The following TRAK1 variants were observed in gnomAD, a reference collection of about 807,000 sequenced individuals.
The protein encoded by TRAK1 is trafficking kinesin protein 1.
A neutral mutation model predicts 92.1 loss-of-function variants in TRAK1; 33 were observed. The observed-to-expected ratio is 0.36, with a 90% CI of 0.27 to 0.48. The LOEUF is 0.48. Ranked by LOEUF, TRAK1 falls within the 20% of genes least tolerant of loss-of-function variation. The pLI, the probability that TRAK1 is intolerant of heterozygous loss-of-function variation, is 0.99. For missense variants in TRAK1, 1,123 were observed against 1,257.9 expected, an observed-to-expected ratio of 0.89 and a Z score of 1.62; for synonymous variants, 521 against 517.3, an observed-to-expected ratio of 1.01 and a Z score of -0.10.
At chr3:42,021,984 C>T (rs1316472201) in intron 1 of TRAK1, among the ~76,000 whole-genome samples, 1 of 152,200 alleles carries the variant, frequency 6.6e-6, no homozygotes, top group Non-Finnish European at 1.5e-5. Context: ...ATGATCCATT[C>T]ATCCAAAAAT....
At chr3:42,132,930 TGGTTTACCCC>T (rs1351712675) in intron 2 of TRAK1, among the ~76,000 whole-genome samples, 1 of 152,214 alleles carries the variant, frequency 6.6e-6, no homozygotes, top group Non-Finnish European at 1.5e-5. Flanking sequence ...AAATACAACG[TGGTTTACCCC>T]ATTTCTGTAT....
intron 1 of TRAK1, among the ~76,000 whole-genome samples, chr3:42,045,500 A>G (rs563149941): frequency 1.3e-5 from 2 of 152,062 alleles, no homozygotes; most frequent in South Asian, 2.1e-4. Flanking sequence ...ATGCCACTAC[A>G]CTCTAGCTTG....
chr3:42,104,499 C>T lies in TRAK1; in HGVS notation c.91+12939C>T, dbSNP rs190779917. Among the ~76,000 whole-genome samples, 15 of 152,224 alleles carry T rather than the reference C, an allele frequency of 9.9e-5. No homozygotes were observed. In the East Asian group the frequency reaches 2.9e-3, roughly 29 times the overall value. ...TGGGTGCCCCTCGGAGATGAAGCATCCAGAGGAAGGATCAGGCAGCAACGT... is the reference window on the plus strand; with the variant it reads ...TGGGTGCCCCTCGGAGATGAAGCATTCAGAGGAAGGATCAGGCAGCAACGT... On this transcript the variant is annotated intron_variant, in intron 1 of 15. Coordinates refer to ENST00000327628, the MANE Select transcript of TRAK1 (RefSeq NM_001042646.3).
At chr3:42,100,519 G>C (rs1706597499) in intron 1 of TRAK1, among the ~76,000 whole-genome samples, 1 of 152,166 alleles carries the variant, frequency 6.6e-6, no homozygotes, top group Non-Finnish European at 1.5e-5. Context: ...AATTCCAGAA[G>C]TAGTTTTTGT....
At chr3:42,181,956 CT>C (rs202124618) in intron 3 of TRAK1, among the ~76,000 whole-genome samples, 25,166 of 133,232 alleles carry the variant, frequency 0.19, 1,812 homozygotes, top group Non-Finnish European at 0.22. Context: ...AATAAGGTAC[CT>C]TTTTTTTTTT....
chr3:42,174,756 A>C (rs1233691731), intron 2 of TRAK1, among the ~76,000 whole-genome samples: 1 of 150,370 alleles, frequency 6.7e-6, no homozygotes, highest in Non-Finnish European at 1.5e-5. Flanking sequence ...TAGTGGAGAC[A>C]GGGTTTTGCC....
At chr3:42,159,314 A>G (rs538386859) in intron 2 of TRAK1, among the ~76,000 whole-genome samples, 9 of 152,096 alleles carry the variant, frequency 5.9e-5, no homozygotes, top group Admixed American at 2.6e-4. Context: ...TGTTAGGAGC[A>G]GGAGACCTGC....
At chr3:42,087,663 G>A (rs1271174889), upstream of TRAK1, among the ~76,000 whole-genome samples, 1 of 152,230 alleles carries the variant, frequency 6.6e-6, no homozygotes, top group Non-Finnish European at 1.5e-5. Flanking sequence ...TTGTCATGAA[G>A]GTTAAAGATG....
chr3:42,151,762 A>G (rs377246609), intron 2 of TRAK1, among the ~76,000 whole-genome samples: 4 of 152,192 alleles, frequency 2.6e-5, no homozygotes, highest in African/African-American at 9.7e-5. Context: ...TGGAAATGAA[A>G]TTTGCCCCTG....
chr3:42,072,803 T>C (rs1160692779), intron 1 of TRAK1, among the ~76,000 whole-genome samples: 1 of 152,058 alleles, frequency 6.6e-6, no homozygotes, highest in African/African-American at 2.4e-5. Context: ...CTAAACAAGG[T>C]TTAGAGAAGA....
At chr3:42,167,112 A>C (rs1411397022) in intron 2 of TRAK1, among the ~76,000 whole-genome samples, 1 of 152,216 alleles carries the variant, frequency 6.6e-6, no homozygotes, top group Non-Finnish European at 1.5e-5. Flanking sequence ...CTGGCTTATC[A>C]TGCCCCCTCA....
At chr3:42,146,272 A>G (rs867088748) in intron 2 of TRAK1, 9 of 299,236 alleles carry the variant, frequency 3.0e-5, no homozygotes, top group Non-Finnish European at 2.1e-5. Context: ...ATTGCCGTTC[A>G]CCCACTTGTC....
rs1040727975 is a variant in TRAK1 at position 42,184,989 on chromosome 3, G to A, written c.480+188G>A. The A allele has an allele frequency of 3.9e-5, 22 of 561,438 alleles. No individual in the cohort carries two copies. In the African/African-American group the frequency reaches 3.9e-4, roughly 10 times the overall value. 34.8% of individuals were successfully genotyped at this position (561,438 alleles called of 1,614,324 possible). A position where few individuals can be genotyped will look rare whatever the true frequency, so the allele number is the denominator to read the frequency against. ...GGGGACTAAAAGCCACCTTCCTGCA[G>A]CTCCTGCTGCTGCTTGTGTCTCTTT... On this transcript the variant is annotated intron_variant, in intron 4 of 15. Coordinates refer to ENST00000327628, the MANE Select transcript of TRAK1 (RefSeq NM_001042646.3).
intron 2 of TRAK1, among the ~76,000 whole-genome samples, chr3:42,172,225 T>C (rs1392180295): frequency 1.3e-5 from 2 of 152,220 alleles, no homozygotes; most frequent in African/African-American, 4.8e-5. Context: ...GCCCTCTGCC[T>C]GGCACATTAT....
intron 1 of TRAK1, among the ~76,000 whole-genome samples, chr3:42,026,650 G>T (rs549874347): frequency 9.9e-5 from 15 of 151,110 alleles, no homozygotes; most frequent in South Asian, 8.4e-4. Flanking sequence ...TCAGCCTCCC[G>T]AGTAGCTGAG....
chr3:42,066,252 G>A (rs1242171597), intron 1 of TRAK1, among the ~76,000 whole-genome samples: 1 of 152,172 alleles, frequency 6.6e-6, no homozygotes, highest in East Asian at 1.9e-4. Context: ...CTTGATTCTC[G>A]GAGGCAAAGG....
At chr3:42,105,996 C>T (rs1291479125) in intron 1 of TRAK1, among the ~76,000 whole-genome samples, 3 of 152,168 alleles carry the variant, frequency 2.0e-5, no homozygotes, top group African/African-American at 4.8e-5. Flanking sequence ...ACCAGGCCTG[C>T]CTTACAAGAG....
intron 2 of TRAK1, among the ~76,000 whole-genome samples, chr3:42,127,185 T>G (rs1349248814): frequency 2.0e-5 from 3 of 152,116 alleles, no homozygotes; most frequent in East Asian, 3.9e-4. Context: ...ACTGTAGACG[T>G]CTGCAAAAAA....
At chr3:42,036,147 C>A (rs1330133457) in intron 1 of TRAK1, among the ~76,000 whole-genome samples, 1 of 152,194 alleles carries the variant, frequency 6.6e-6, no homozygotes, top group African/African-American at 2.4e-5. Context: ...ACAGAGATGG[C>A]TGACCTGGCA....
Sources: gnomAD v4.1 joint callset for allele counts (sites outside exome capture counted in the v4.1 genomes callset) on GRCh38, gnomAD v4.1.1 for gene constraint, MANE v1.5 for transcripts, NCBI Gene and HGNC (gene_info 2026-07-23, HGNC 2026-07-21) for gene names.